The following NRXN3 variants were observed in gnomAD, a reference collection of about 807,000 sequenced individuals.
NRXN3 encodes neurexin III.
A neutral mutation model predicts 137.6 loss-of-function variants in NRXN3; 32 were observed. The observed-to-expected ratio is 0.23, with a 90% confidence interval of 0.18 to 0.31. The LOEUF is 0.31. NRXN3 is among the 10% of genes least tolerant of loss of function. NRXN3 has a pLI of 1.00. For synonymous variants in NRXN3, 798 were observed against 784.5 expected, an observed-to-expected ratio of 1.02 and a Z score of -0.29; for missense variants, 1,574 against 2,062.5, an observed-to-expected ratio of 0.76 and a Z score of 4.59.
At chr14:78,493,039 T>C (rs1320600026) in intron 4 of NRXN3, among the ~76,000 whole-genome samples, 1 of 152,170 alleles carries the variant, frequency 6.6e-6, no homozygotes. Context: ...TTTAGAGGAA[T>C]GTACCCTTTC....
At chr14:79,329,431 G>A (rs150848432) in intron 15 of NRXN3, among the ~76,000 whole-genome samples, 5 of 152,246 alleles carry the variant, frequency 3.3e-5, no homozygotes, top group African/African-American at 1.2e-4. Flanking sequence ...AAGAGCAGGT[G>A]GTACAGGGTC....
At chr14:79,034,227 C>T (rs1298228811) in intron 15 of NRXN3, among the ~76,000 whole-genome samples, 1 of 151,854 alleles carries the variant, frequency 6.6e-6, no homozygotes, top group Non-Finnish European at 1.5e-5. Flanking sequence ...AAGATTCTAC[C>T]CTGAGTAGAG....
chr14:78,305,954 G>A (rs1265676735), intron 4 of NRXN3, among the ~76,000 whole-genome samples: 1 of 152,106 alleles, frequency 6.6e-6, no homozygotes. Flanking sequence ...GATTTTAGCA[G>A]CTCTGTGTTT....
At chr14:79,790,884 T>G (rs2099143141) in intron 19 of NRXN3, among the ~76,000 whole-genome samples, 1 of 151,788 alleles carries the variant, frequency 6.6e-6, no homozygotes, top group Non-Finnish European at 1.5e-5. Context: ...CTCCCGATCT[T>G]GTGATCCACC....
intron 15 of NRXN3, among the ~76,000 whole-genome samples, chr14:79,389,772 G>A (rs1459591710): frequency 6.6e-6 from 1 of 152,124 alleles, no homozygotes; most frequent in East Asian, 1.9e-4. Flanking sequence ...GTAGCATGCT[G>A]AATTAATGAA....
intron 4 of NRXN3, among the ~76,000 whole-genome samples, chr14:78,456,822 T>TTTCTTTCTTTCA (rs2094728166): frequency 8.0e-6 from 1 of 125,466 alleles, no homozygotes; most frequent in Non-Finnish European, 1.8e-5. Flanking sequence ...TCTTTCTTTC[T>TTTCTTTCTTTCA]TTCTTTCTTT....
At chr14:79,764,967 T>A (rs1236133958) in intron 19 of NRXN3, among the ~76,000 whole-genome samples, 1 of 152,216 alleles carries the variant, frequency 6.6e-6, no homozygotes, top group Non-Finnish European at 1.5e-5. Flanking sequence ...ATATTCTGAT[T>A]TTTAAACAAT....
chr14:79,324,020 A>G (rs933251405), intron 15 of NRXN3, among the ~76,000 whole-genome samples: 3 of 152,226 alleles, frequency 2.0e-5, no homozygotes, highest in Non-Finnish European at 4.4e-5. Context: ...TTTGTTAAGC[A>G]CGAAGAGTGT....
At chr14:78,799,303 C>G (rs970059877) in intron 8 of NRXN3, among the ~76,000 whole-genome samples, 1 of 152,184 alleles carries the variant, frequency 6.6e-6, no homozygotes, top group Non-Finnish European at 1.5e-5. Context: ...GTTCAAAGTT[C>G]AACAAATCTC....
At chr14:78,773,900 C>T (rs1176161955) in intron 8 of NRXN3, among the ~76,000 whole-genome samples, 2 of 152,150 alleles carry the variant, frequency 1.3e-5, no homozygotes, top group African/African-American at 4.8e-5. Flanking sequence ...CTCCCGGGTT[C>T]AAGCGATTCT....
chr14:79,070,632 A>G (rs945423666), intron 15 of NRXN3, among the ~76,000 whole-genome samples: 28 of 152,260 alleles, frequency 1.8e-4, no homozygotes, highest in Admixed American at 1.8e-3. Context: ...GAGTTCAAAG[A>G]TTTACCATTT....
intron 4 of NRXN3, among the ~76,000 whole-genome samples, chr14:78,632,365 G>T (rs1261786856): frequency 2.6e-5 from 4 of 152,024 alleles, no homozygotes; most frequent in Admixed American, 6.6e-5. Flanking sequence ...ATCAGATAAT[G>T]TATGTGAAAG....
At chr14:79,755,233 A>G (rs1257162752) in intron 19 of NRXN3, among the ~76,000 whole-genome samples, 1 of 152,172 alleles carries the variant, frequency 6.6e-6, no homozygotes, top group Admixed American at 6.6e-5. Flanking sequence ...TATAATACCT[A>G]AAACAATGTA....
chr14:79,656,099 T>A (rs1032026594), intron 16 of NRXN3, among the ~76,000 whole-genome samples: 16 of 152,120 alleles, frequency 1.1e-4, no homozygotes, highest in African/African-American at 3.9e-4. Flanking sequence ...TCCAGATGAG[T>A]TAAAATGTGT....
chr14:78,591,509 C>T (rs1348711278), intron 4 of NRXN3, among the ~76,000 whole-genome samples: 1 of 152,144 alleles, frequency 6.6e-6, no homozygotes, highest in African/African-American at 2.4e-5. Flanking sequence ...AAGTCACTGA[C>T]ACTCTAAGAC....
At chr14:79,648,282 C>T (rs911954565) in intron 16 of NRXN3, among the ~76,000 whole-genome samples, 9 of 135,334 alleles carry the variant, frequency 6.7e-5, no homozygotes, top group African/African-American at 1.7e-4. Context: ...CAGAAATTAG[C>T]GGGGACTGTG....
intron 15 of NRXN3, among the ~76,000 whole-genome samples, chr14:79,316,729 C>CCCCTCTCTCTCT (rs2088808048): frequency 7.2e-6 from 1 of 137,940 alleles, no homozygotes; most frequent in African/African-American, 2.8e-5. Context: ...CTGTCCTGTC[C>CCCCTCTCTCTCT]CTCTCTCTCT....
intron 19 of NRXN3, among the ~76,000 whole-genome samples, chr14:79,770,423 T>A (rs2099073414): frequency 1.5e-5 from 2 of 135,188 alleles, no homozygotes; most frequent in African/African-American, 2.8e-5. Flanking sequence ...TAACAAACTA[T>A]CTCTCAGACC....
chr14:78,429,651 T>C (rs1044045668), intron 4 of NRXN3, among the ~76,000 whole-genome samples: 1 of 152,204 alleles, frequency 6.6e-6, no homozygotes, highest in African/African-American at 2.4e-5. Flanking sequence ...GGAGTTCTAT[T>C]TGTTGTGCCA....
Sources: allele counts gnomAD v4.1 joint callset (sites outside exome capture counted in the v4.1 genomes callset), GRCh38; gene constraint gnomAD v4.1.1; transcripts MANE v1.5; gene names NCBI Gene and HGNC (gene_info 2026-07-23, HGNC 2026-07-21).